PREX2: variants seen among roughly 807,000 people sequenced by gnomAD.
The protein encoded by PREX2 is phosphatidylinositol-3,4,5-trisphosphate dependent Rac exchange factor 2.
Under a neutral mutation model 203.2 loss-of-function variants are expected in PREX2, and 107 were observed. The observed-to-expected ratio is 0.53, with a 90% CI of 0.45 to 0.62. The LOEUF is 0.62. Among genes scored for constraint, PREX2 ranks in the 20% least tolerant of loss-of-function variants. PREX2 has a pLI of 0.00. For missense variants in PREX2, 1,777 were observed against 1,955.9 expected (o/e 0.91, Z 1.72); for synonymous variants, 672 against 663.6 (o/e 1.01, Z -0.19).
At chr8:68,185,612 A>T (rs1812173674) in intron 35 of PREX2, among the ~76,000 whole-genome samples, 1 of 152,188 alleles carries the variant, frequency 6.6e-6, no homozygotes, top group Non-Finnish European at 1.5e-5. Flanking sequence ...GTATGCAATA[A>T]ATGCCAAGAT....
intron 35 of PREX2, among the ~76,000 whole-genome samples, chr8:68,187,379 C>A (rs893526201): frequency 6.6e-6 from 1 of 152,140 alleles, no homozygotes; most frequent in Non-Finnish European, 1.5e-5. Flanking sequence ...AGCAGGAAGG[C>A]TTTGGCCTTA....
At chr8:68,202,050 C>T (rs776892378) in intron 37 of PREX2, among the ~76,000 whole-genome samples, 3 of 151,816 alleles carry the variant, frequency 2.0e-5, no homozygotes, top group Non-Finnish European at 4.4e-5. Flanking sequence ...GGATTACAGG[C>T]GCCCACCACC....
At chr8:68,191,827 T>G (rs1310405385) in intron 36 of PREX2, 39 bp downstream of exon 36, 5 of 1,314,704 alleles carry the variant, frequency 3.8e-6, no homozygotes, top group Non-Finnish European at 5.4e-6. Context: ...GCTTTTTAAT[T>G]TAAATATCTC....
At position 68,207,543 on chromosome 8, in the gene PREX2, C is replaced by G. The variant is rs1812653931; in HGVS notation, c.4605-10073C>G. ...TGCTAGGGTCTAGAAAAGCTACAGT[C>G]AATATAGACACCAGTACAGCCTGGT... On this transcript the variant is annotated intron_variant, in intron 37 of 39. Coordinates refer to ENST00000288368, the MANE Select transcript of PREX2 (RefSeq NM_024870.4). Among the ~76,000 whole-genome samples the G allele has an allele frequency of 3.3e-5, 5 of 151,744 alleles. No homozygotes were observed. In the South Asian group the frequency reaches 1.0e-3, roughly 32 times the overall value.
intron 37 of PREX2, among the ~76,000 whole-genome samples, chr8:68,198,901 A>T (rs1047439592): frequency 6.6e-6 from 1 of 152,182 alleles, no homozygotes; most frequent in African/African-American, 2.4e-5. Context: ...TGGTCTGGCC[A>T]TGTGGGAAGG....
At chr8:68,089,081 C>T (rs1030327778) in intron 19 of PREX2, among the ~76,000 whole-genome samples, 15 of 152,278 alleles carry the variant, frequency 9.9e-5, no homozygotes, top group Admixed American at 9.2e-4. Context: ...AGAGATTTCT[C>T]GTGTGGGTCA....
chr8:67,966,911 A>T (rs1275009135), intron 1 of PREX2, among the ~76,000 whole-genome samples: 2 of 152,200 alleles, frequency 1.3e-5, no homozygotes, highest in African/African-American at 2.4e-5. Flanking sequence ...TCCTGCTTTC[A>T]TGGAGCTCTG....
rs184966024 is a variant in PREX2, at chr8:67,989,417, G to C, written c.142-28429G>C. On this transcript the variant is annotated intron_variant, in intron 1 of 39. Transcript: ENST00000288368. The stretch of plus-strand genomic sequence containing the variant: ...TCAGATCTGGTTAAATGAAATATTA[G>C]GTTACTAAATAATAATACCATTTAT... Among the ~76,000 whole-genome samples, 21 of 152,014 alleles carry C rather than the reference G, an allele frequency of 1.4e-4. No homozygotes were observed. In the East Asian group the frequency reaches 4.1e-3, roughly 29 times the overall value.
At chr8:68,139,509 C>A (rs1419284915) in intron 33 of PREX2, among the ~76,000 whole-genome samples, 1 of 152,150 alleles carries the variant, frequency 6.6e-6, no homozygotes, top group East Asian at 1.9e-4. Flanking sequence ...TGCTTCCTAA[C>A]CATGACATTG....
At chr8:68,205,940 G>A (rs914301622) in intron 37 of PREX2, among the ~76,000 whole-genome samples, 2 of 152,134 alleles carry the variant, frequency 1.3e-5, no homozygotes, top group Admixed American at 1.3e-4. Context: ...TTAGTATGAT[G>A]AAGTCTACAT....
At chr8:67,974,368 T>G (rs1806010634) in intron 1 of PREX2, among the ~76,000 whole-genome samples, 1 of 152,014 alleles carries the variant, frequency 6.6e-6, no homozygotes, top group Admixed American at 6.6e-5. Context: ...TCTATGGAGT[T>G]TTTAAAAAGC....
chr8:68,237,022 AGTATGACC>A lies in PREX2; in HGVS notation c.*5645_*5652del, dbSNP rs1344982200. 6 of 152,170 alleles carry A rather than the reference AGTATGACC, an allele frequency of 3.9e-5. No individual in the cohort carries two copies. The highest frequency in any genetic ancestry group is 7.4e-5 in the Non-Finnish European group (5 of 68,020). The allele number at this position is 152,170 out of a possible 1,614,324, so 9.4% of individuals were successfully genotyped here. On this transcript the variant is annotated 3_prime_UTR_variant, in exon 40 of 40. Transcript: ENST00000288368. ...TGTTAATAATAATAAAGTGAAATGT[AGTATGACC>A]AATTCAGCTTCTTTCCATTTAAACT...
At chr8:67,987,912 A>AGTAT (rs139568645) in intron 1 of PREX2, among the ~76,000 whole-genome samples, 8 of 150,906 alleles carry the variant, frequency 5.3e-5, no homozygotes, top group African/African-American at 1.5e-4. Context: ...GCAGCCAGGG[A>AGTAT]GTGTGTGTGT....
rs1032068996 is a variant in PREX2, at chr8:67,955,343, A to G, written c.141+2808A>G. Among the ~76,000 whole-genome samples, 14 of 152,088 alleles carry G rather than the reference A, an allele frequency of 9.2e-5. 1 individual carries two copies. Among genetic ancestry groups the G allele is most frequent in the African/African-American group, 2.4e-5 (1 of 41,418 alleles). On this transcript the variant is annotated intron_variant, in intron 1 of 39. Transcript: ENST00000288368. ...CTTCTCTAAGCTAAGGTATGGGTCT[A>G]TCTGCATCTTCTCTGTAGTTGCCCC... is the stretch of plus-strand genomic sequence containing the variant.
In PREX2 at chr8:68,233,703, CTT is replaced by C. The variant is rs1813213268; in HGVS notation, c.*2329_*2330del. 1 of 152,148 alleles carries C rather than the reference CTT, an allele frequency of 6.6e-6. No homozygotes were observed. Among genetic ancestry groups the C allele is most frequent in the East Asian group, 1.9e-4 (1 of 5,186 alleles). 9.4% of individuals were successfully genotyped at this position (152,148 alleles called of 1,614,324 possible). ...CATAATAATGACGTGACATGGTACT[CTT>C]TTTATCGCGCCCATTTTTAGAGTTG... On this transcript the variant is annotated 3_prime_UTR_variant, in exon 40 of 40. Transcript: ENST00000288368.
intron 11 of PREX2, among the ~76,000 whole-genome samples, chr8:68,068,224 T>C (rs765160109): frequency 3.9e-4 from 60 of 152,124 alleles, no homozygotes; most frequent in Non-Finnish European, 4.0e-4. Context: ...TTGGAAGTGT[T>C]CCTTTATCTT....
intron 26 of PREX2, among the ~76,000 whole-genome samples, chr8:68,117,226 G>A (rs570550883): frequency 5.9e-5 from 9 of 152,122 alleles, no homozygotes; most frequent in East Asian, 5.8e-4. Context: ...CGCAAGCCTC[G>A]GTGGCAGGTT....
intron 18 of PREX2, among the ~76,000 whole-genome samples, chr8:68,086,419 C>T (rs1461783604): frequency 3.9e-5 from 6 of 152,162 alleles, no homozygotes; most frequent in African/African-American, 1.2e-4. Flanking sequence ...CTGTATCTAC[C>T]TTCAGACTCT....
At chr8:67,975,204 G>A (rs1320497371) in intron 1 of PREX2, among the ~76,000 whole-genome samples, 3 of 150,338 alleles carry the variant, frequency 2.0e-5, no homozygotes, top group South Asian at 4.3e-4. Context: ...TCCTCTAGTC[G>A]GGGCCTCTCA....
Sources: allele counts gnomAD v4.1 joint callset (sites outside exome capture counted in the v4.1 genomes callset), GRCh38; gene constraint gnomAD v4.1.1; transcripts MANE v1.5; gene names NCBI Gene and HGNC (gene_info 2026-07-23, HGNC 2026-07-21).